The following CTNNA2 variants were observed in gnomAD, a reference collection of about 807,000 sequenced individuals.
The protein encoded by CTNNA2 is catenin alpha 2.
In CTNNA2, 42 loss-of-function variants were observed where a neutral mutation model predicts 101.0. The ratio of observed to expected loss-of-function variants is 0.42; its 90% CI spans 0.32 to 0.54. The LOEUF is 0.54. CTNNA2 is among the 20% of genes least tolerant of loss of function. The pLI, the probability that CTNNA2 is intolerant of heterozygous loss-of-function variation, is 0.14. For synonymous variants in CTNNA2, 450 were observed against 456.4 expected, an observed-to-expected ratio of 0.99 and a Z score of 0.18; for missense variants, 871 against 1,223.1, an observed-to-expected ratio of 0.71 and a Z score of 4.29.
At chr2:80,241,278 C>T (rs1670918357) in intron 7 of CTNNA2, among the ~76,000 whole-genome samples, 1 of 144,722 alleles carries the variant, frequency 6.9e-6, no homozygotes, top group Admixed American at 6.7e-5. Context: ...TACTCAGTGA[C>T]CAGGAAAATT....
chr2:80,345,299 CT>C (rs1197375631), intron 7 of CTNNA2, among the ~76,000 whole-genome samples: 2 of 152,170 alleles, frequency 1.3e-5, no homozygotes, highest in African/African-American at 2.4e-5. Context: ...AGCAATGTTC[CT>C]GCTTCAGAGC....
rs573293761 is a variant in CTNNA2 at position 79,718,125 on chromosome 2, A to G, written c.103-26262A>G. ...GAAAAGAAAAAAGTCAGCAGATGTG[A>G]TAACTTCCTATAGTAATAGTGTTTC... On this transcript the variant is annotated intron_variant, in intron 2 of 18. Coordinates refer to ENST00000402739, the MANE Select transcript of CTNNA2 (RefSeq NM_001282597.3). 7.2e-5 allele frequency among the ~76,000 whole-genome samples: 11 copies of G among 152,344 alleles called. No homozygotes were observed. The East Asian group carries it at 1.7e-3, about 24-fold the overall frequency.
At chr2:80,261,192 T>G (rs1047119125) in intron 7 of CTNNA2, among the ~76,000 whole-genome samples, 3 of 152,216 alleles carry the variant, frequency 2.0e-5, no homozygotes, top group African/African-American at 4.8e-5. Flanking sequence ...ATATACCTAT[T>G]GAGTTAGTAG....
chr2:79,255,731 T>C (rs1233183576), intron 2 of CTNNA2, among the ~76,000 whole-genome samples: 1 of 152,212 alleles, frequency 6.6e-6, no homozygotes, highest in African/African-American at 2.4e-5. Flanking sequence ...TGTAATATTG[T>C]ATGCATAAGT....
chr2:80,223,582 T>C (rs1245655023), intron 7 of CTNNA2, among the ~76,000 whole-genome samples: 2 of 152,164 alleles, frequency 1.3e-5, no homozygotes, highest in Admixed American at 1.3e-4. Flanking sequence ...CCCTATTTCT[T>C]ACATATAAAA....
chr2:80,393,147 TA>T, intron 7 of CTNNA2, 63 bp from the exon 8 acceptor site: 1 of 1,278,372 alleles, frequency 7.8e-7, no homozygotes, highest in Non-Finnish European at 1.1e-6. Flanking sequence ...CTGATTTTTT[TA>T]AATTTTTAAT....
chr2:80,189,146 G>T (rs1159288964), intron 7 of CTNNA2, among the ~76,000 whole-genome samples: 3 of 151,786 alleles, frequency 2.0e-5, no homozygotes, highest in East Asian at 3.9e-4. Flanking sequence ...TAGAGACGAG[G>T]TTTCACCATG....
intron 9 of CTNNA2, among the ~76,000 whole-genome samples, chr2:80,478,701 A>G (rs975696995): frequency 1.3e-5 from 2 of 151,934 alleles, no homozygotes; most frequent in Admixed American, 6.6e-5. Context: ...ATTTGGCTCT[A>G]TTTCTGGGTT....
At chr2:79,858,513 G>T (rs568418995) in intron 4 of CTNNA2, among the ~76,000 whole-genome samples, 2 of 152,022 alleles carry the variant, frequency 1.3e-5, no homozygotes, top group Admixed American at 6.6e-5. Context: ...CTCAAGATTC[G>T]GAGCAATCTT....
chr2:80,413,542 T>G (rs1484514055), intron 8 of CTNNA2, among the ~76,000 whole-genome samples: 1 of 152,106 alleles, frequency 6.6e-6, no homozygotes, highest in Non-Finnish European at 1.5e-5. Context: ...CAATGGAGTG[T>G]GCATTGATGG....
At chr2:80,318,841 A>T (rs752979928) in intron 7 of CTNNA2, among the ~76,000 whole-genome samples, 1 of 152,186 alleles carries the variant, frequency 6.6e-6, no homozygotes, top group Non-Finnish European at 1.5e-5. Context: ...GACAAGAGAT[A>T]GTCCCTTGGT....
At chr2:79,488,098 T>C (rs993310121) in intron 4 of CTNNA2, among the ~76,000 whole-genome samples, 19 of 151,880 alleles carry the variant, frequency 1.3e-4, no homozygotes, top group African/African-American at 4.6e-4. Flanking sequence ...TCCCAGCACT[T>C]ACCTGAGGTT....
chr2:79,622,443 G>A (rs1030300331), intron 1 of CTNNA2, among the ~76,000 whole-genome samples: 1 of 152,222 alleles, frequency 6.6e-6, no homozygotes, highest in Non-Finnish European at 1.5e-5. Flanking sequence ...AAGAATTTAT[G>A]TAATGATCCT....
At chr2:80,276,877 G>A (rs1231189666) in intron 7 of CTNNA2, among the ~76,000 whole-genome samples, 1 of 152,038 alleles carries the variant, frequency 6.6e-6, no homozygotes, top group African/African-American at 2.4e-5. Flanking sequence ...GATTTAGAGA[G>A]GACAAATATC....
intron 9 of CTNNA2, among the ~76,000 whole-genome samples, chr2:80,536,155 A>G (rs527636177): frequency 2.0e-5 from 3 of 152,318 alleles, no homozygotes; most frequent in African/African-American, 4.8e-5. Context: ...GAAGATAGGC[A>G]TATATGTTAA....
chr2:80,152,817 C>A (rs1703787565), intron 7 of CTNNA2, among the ~76,000 whole-genome samples: 1 of 152,132 alleles, frequency 6.6e-6, no homozygotes, highest in Admixed American at 6.6e-5. Context: ...ACAACTTAGG[C>A]CTTAGCTCCT....
chr2:79,235,411 T>C (rs1158670722), intron 2 of CTNNA2, among the ~76,000 whole-genome samples: 2 of 152,152 alleles, frequency 1.3e-5, no homozygotes, highest in South Asian at 2.1e-4. Context: ...TTGGTAGTAG[T>C]GCTCTGTGGT....
intron 2 of CTNNA2, among the ~76,000 whole-genome samples, chr2:79,309,639 G>C (rs895452741): frequency 2.7e-5 from 4 of 147,630 alleles, no homozygotes; most frequent in African/African-American, 7.6e-5. Flanking sequence ...AGAGAATTTT[G>C]TTATCATACA....
chr2:79,454,077 C>T (rs2104529310), intron 4 of CTNNA2, among the ~76,000 whole-genome samples: 1 of 152,224 alleles, frequency 6.6e-6, no homozygotes, highest in African/African-American at 2.4e-5. Flanking sequence ...GGAAGAGAAC[C>T]TAATCCTAGG....
Sources: allele counts gnomAD v4.1 joint callset (sites outside exome capture counted in the v4.1 genomes callset), GRCh38; gene constraint gnomAD v4.1.1; transcripts MANE v1.5; gene names NCBI Gene and HGNC (gene_info 2026-07-23, HGNC 2026-07-21).